Variants in EYS observed in about 807,000 individuals in gnomAD.
The protein encoded by EYS is protein eyes shut homolog.
Under a neutral mutation model 282.1 loss-of-function variants are expected in EYS, and 250 were observed. The observed-to-expected ratio is 0.89, with a 90% CI of 0.80 to 0.98. The LOEUF is 0.98. Ranked by LOEUF, EYS falls within the 50% of genes least tolerant of loss-of-function variation. The probability of loss-of-function intolerance (pLI) is 0.00; values close to 1 mark genes in which losing one functional copy is unlikely to be tolerated. For synonymous variants in EYS, 1,355 were observed against 1,282.9 expected (o/e 1.06, Z -1.20); for missense variants, 4,016 against 3,709.0 (o/e 1.08, Z -2.15).
chr6:64,731,649 C>T (rs534209740), intron 22 of EYS, among the ~76,000 whole-genome samples: 24 of 152,144 alleles, frequency 1.6e-4, no homozygotes, highest in African/African-American at 5.1e-4. Flanking sequence ...ATCATTGAAA[C>T]GTCAGGAAAC....
chr6:64,632,292 A>G (rs1016757633), intron 22 of EYS, among the ~76,000 whole-genome samples: 3 of 101,770 alleles, frequency 2.9e-5, no homozygotes, highest in African/African-American at 1.0e-4. Flanking sequence ...CATATAACTT[A>G]TTTTCTTAAG....
chr6:64,541,545 T>A (rs1393068131), intron 26 of EYS, among the ~76,000 whole-genome samples: 1 of 152,116 alleles, frequency 6.6e-6, no homozygotes, highest in Non-Finnish European at 1.5e-5. Flanking sequence ...TCTGTTTCAT[T>A]TTTTTTTCAG....
chr6:64,344,729 C>A (rs1310124010), intron 29 of EYS, among the ~76,000 whole-genome samples: 2 of 151,778 alleles, frequency 1.3e-5, no homozygotes, highest in African/African-American at 2.4e-5. Context: ...AAACAAAGGG[C>A]ATTCAATTAG....
chr6:63,742,029 T>C (rs1168105828), intron 41 of EYS: 6 of 700,110 alleles, frequency 8.6e-6, no homozygotes, highest in Non-Finnish European at 1.6e-5. Flanking sequence ...TGGCTCTTTA[T>C]CAGCAGTCTA....
intron 26 of EYS, among the ~76,000 whole-genome samples, chr6:64,506,822 T>C (rs958628272): frequency 1.4e-5 from 2 of 146,562 alleles, no homozygotes; most frequent in African/African-American, 5.2e-5. Flanking sequence ...GGCAGGAAAA[T>C]GGCGGGAACC....
At chr6:64,714,996 C>A (rs1331648120) in intron 22 of EYS, among the ~76,000 whole-genome samples, 4 of 150,702 alleles carry the variant, frequency 2.7e-5, no homozygotes, top group Non-Finnish European at 5.9e-5. Flanking sequence ...GTGACCAAAG[C>A]AAATTGTATT....
chr6:64,363,901 C>A (rs554941366), intron 29 of EYS, among the ~76,000 whole-genome samples: 62 of 151,852 alleles, frequency 4.1e-4, no homozygotes, highest in Non-Finnish European at 7.8e-4. Context: ...TGTAGTCATA[C>A]AACAAGATTT....
intron 2 of EYS, among the ~76,000 whole-genome samples, chr6:65,563,712 G>C (rs945204931): frequency 2.3e-4 from 35 of 152,090 alleles, no homozygotes; most frequent in African/African-American, 8.2e-4. Context: ...TGAAGTTAGA[G>C]TAGGTAGATA....
chr6:64,856,837 C>T (rs1766079727), intron 19 of EYS, among the ~76,000 whole-genome samples: 1 of 151,954 alleles, frequency 6.6e-6, no homozygotes, highest in African/African-American at 2.4e-5. Flanking sequence ...AAACTTCATG[C>T]CAACCCTAGG....
At chr6:64,993,564 TG>T (rs1343272080) in intron 14 of EYS, among the ~76,000 whole-genome samples, 1 of 106,404 alleles carries the variant, frequency 9.4e-6, no homozygotes, top group South Asian at 3.2e-4. Context: ...CATCACACAC[TG>T]GGGTCTCTTG....
intron 28 of EYS, among the ~76,000 whole-genome samples, chr6:64,428,540 A>T (rs1441065730): frequency 6.6e-6 from 1 of 152,136 alleles, no homozygotes; most frequent in African/African-American, 2.4e-5. Context: ...TTTCAGGTAA[A>T]ATTGAAGGAC....
chr6:65,480,847 A>G (rs1027424501), intron 5 of EYS, among the ~76,000 whole-genome samples: 1 of 152,168 alleles, frequency 6.6e-6, no homozygotes, highest in Admixed American at 6.5e-5. Context: ...TAAGCGAAAT[A>G]GGTCAGGCAC....
At chr6:65,059,280 G>A (rs754998440) in intron 12 of EYS, among the ~76,000 whole-genome samples, 1 of 152,040 alleles carries the variant, frequency 6.6e-6, no homozygotes, top group Non-Finnish European at 1.5e-5. Context: ...TTGCAATCAA[G>A]GAGAGAAGCC....
chr6:64,922,675 G>C (rs1380998054), intron 15 of EYS, among the ~76,000 whole-genome samples: 1 of 152,072 alleles, frequency 6.6e-6, no homozygotes, highest in East Asian at 1.9e-4. Context: ...TGATAGCAGT[G>C]CAAATGCACT....
intron 41 of EYS, among the ~76,000 whole-genome samples, chr6:63,737,299 T>C (rs1328204151): frequency 6.8e-6 from 1 of 148,056 alleles, no homozygotes; most frequent in African/African-American, 2.5e-5. Flanking sequence ...TAGCATGAAG[T>C]GTTGTTGAAT....
At chr6:64,441,867 C>A (rs1774960200) in intron 26 of EYS, among the ~76,000 whole-genome samples, 1 of 152,130 alleles carries the variant, frequency 6.6e-6, no homozygotes, top group Non-Finnish European at 1.5e-5. Flanking sequence ...AAACCTCTTT[C>A]TTTTGTAAAT....
chr6:64,459,976 A>G (rs1254796346), intron 26 of EYS, among the ~76,000 whole-genome samples: 2 of 151,410 alleles, frequency 1.3e-5, no homozygotes, highest in African/African-American at 2.4e-5. Flanking sequence ...AACCCCAAAA[A>G]CTAGTGACTC....
chr6:64,775,537 TAAGA>T, intron 22 of EYS, among the ~76,000 whole-genome samples: 1 of 152,126 alleles, frequency 6.6e-6, no homozygotes, highest in African/African-American at 2.4e-5. Context: ...AAATATAATC[TAAGA>T]AAGAGATTAT....
At chr6:65,412,763 C>T (rs1767071171) in intron 5 of EYS, among the ~76,000 whole-genome samples, 1 of 151,976 alleles carries the variant, frequency 6.6e-6, no homozygotes. Context: ...GTTTGCAAGC[C>T]TATCACTTGT....
Sources: allele counts gnomAD v4.1 joint callset (sites outside exome capture counted in the v4.1 genomes callset), GRCh38; gene constraint gnomAD v4.1.1; transcripts MANE v1.5; gene names NCBI Gene and HGNC (gene_info 2026-07-23, HGNC 2026-07-21).